Variants in ADGRG7 observed in about 807,000 individuals in gnomAD.
The protein encoded by ADGRG7 is G-protein coupled receptor 128.
In ADGRG7, 82 loss-of-function variants were observed where a neutral mutation model predicts 88.6. That is an observed-to-expected ratio of 0.93 (90% CI 0.77 to 1.11). ADGRG7 has a LOEUF of 1.11. ADGRG7 is among the 50% of genes most tolerant of loss of function. The pLI is 0.00. For synonymous variants in ADGRG7, 381 were observed against 345.2 expected, an observed-to-expected ratio of 1.10 and a Z score of -1.15; for missense variants, 945 against 953.4, an observed-to-expected ratio of 0.99 and a Z score of 0.12.
intron 11 of ADGRG7, among the ~76,000 whole-genome samples, chr3:100,653,792 A>T (rs2094933459): frequency 6.9e-6 from 1 of 144,714 alleles, no homozygotes. Flanking sequence ...CTTTCATGCA[A>T]TTTTTTTTTT....
intron 14 of ADGRG7, among the ~76,000 whole-genome samples, chr3:100,666,018 G>A (rs548139506): frequency 2.0e-5 from 3 of 152,016 alleles, no homozygotes; most frequent in South Asian, 2.1e-4. Context: ...CTGTCTTGAC[G>A]GGCTTGGATG....
At position 100,685,717 on chromosome 3, in the gene ADGRG7, C is replaced by T. The variant is rs537019780; in HGVS notation, c.2137-9027C>T. Among the ~76,000 whole-genome samples, 1,023 of 151,890 alleles carry T rather than the reference C, an allele frequency of 6.7e-3. 20 individuals are homozygous for T. The highest frequency in any genetic ancestry group is 0.023 in the African/African-American group (954 of 41,330). On this transcript the variant is annotated intron_variant, in intron 15 of 15. Transcript: ENST00000273352. The stretch of plus-strand genomic sequence containing the variant: ...AAGGACATGAACTCATCATTTTTTA[C>T]GGCTGCATAGTATTCCATGGTGTAT...
intron 1 of ADGRG7, among the ~76,000 whole-genome samples, chr3:100,622,177 T>A (rs536085382): frequency 6.6e-6 from 1 of 152,094 alleles, no homozygotes; most frequent in Non-Finnish European, 1.5e-5. Flanking sequence ...ACCCCTGTAC[T>A]AGAGTTTTAT....
At chr3:100,668,374 T>G (rs1365392170) in intron 14 of ADGRG7, among the ~76,000 whole-genome samples, 1 of 152,200 alleles carries the variant, frequency 6.6e-6, no homozygotes, top group Non-Finnish European at 1.5e-5. Flanking sequence ...CTTCTTAACA[T>G]AGTGGTCTCA....
In ADGRG7 at chr3:100,667,430, G is replaced by A. The variant is rs184333259; in HGVS notation, c.1980-1519G>A. Among the ~76,000 whole-genome samples the A allele has an allele frequency of 3.0e-3, 460 of 152,244 alleles. 2 individuals carry two copies. The highest frequency in any genetic ancestry group is 0.01 in the African/African-American group (435 of 41,534). On this transcript the variant is annotated intron_variant, in intron 14 of 15. Transcript: ENST00000273352. ...CTGTGAGTGAGAACATGCAGTATTT[G>A]TTTTTGTGATCTTGTAATAGCTTGC...
rs182519895 is a variant in ADGRG7, at chr3:100,650,684, C to T, written c.1379+877C>T. Reference sequence around the variant, plus strand: ...ATTGTTGGCTGTAAGTTTGATTCCTCGTTTAAAGTGATGTCTGCCAGATTT... The same window carrying T: ...ATTGTTGGCTGTAAGTTTGATTCCTTGTTTAAAGTGATGTCTGCCAGATTT... On this transcript the variant is annotated intron_variant, in intron 11 of 15. Transcript: ENST00000273352. Among the ~76,000 whole-genome samples, 188 of 152,202 alleles carry T rather than the reference C, an allele frequency of 1.2e-3. 1 individual carries two copies. The highest frequency in any genetic ancestry group is 1.9e-3 in the East Asian group (10 of 5,192).
At chr3:100,653,669 T>C (rs552240640) in intron 11 of ADGRG7, among the ~76,000 whole-genome samples, 2 of 152,230 alleles carry the variant, frequency 1.3e-5, no homozygotes, top group Admixed American at 6.5e-5. Context: ...ATTTTTCTAC[T>C]GGTCTTGCTG....
At chr3:100,682,269 G>A (rs893087515) in intron 15 of ADGRG7, among the ~76,000 whole-genome samples, 13 of 152,202 alleles carry the variant, frequency 8.5e-5, no homozygotes, top group African/African-American at 2.7e-4. Flanking sequence ...CAAGCAGAGA[G>A]GGTCCCCAGG....
At chr3:100,685,481 C>G (rs894932602) in intron 15 of ADGRG7, among the ~76,000 whole-genome samples, 1 of 151,966 alleles carries the variant, frequency 6.6e-6, no homozygotes, top group African/African-American at 2.4e-5. Flanking sequence ...CCCATTAAGT[C>G]GTCATTTAGC....
intron 15 of ADGRG7, among the ~76,000 whole-genome samples, chr3:100,681,172 G>A (rs924272547): frequency 1.3e-5 from 2 of 150,700 alleles, no homozygotes; most frequent in East Asian, 3.9e-4. Flanking sequence ...AAACCAAAAT[G>A]GTGGATAAAA....
intron 1 of ADGRG7, among the ~76,000 whole-genome samples, chr3:100,628,883 T>G (rs890083368): frequency 6.6e-6 from 1 of 152,152 alleles, no homozygotes; most frequent in Admixed American, 6.6e-5. Flanking sequence ...CCCATACTCC[T>G]TCACTTATCC....
chr3:100,649,855 T>C, intron 11 of ADGRG7, 48 bp downstream of exon 11: 1 of 1,026,032 alleles, frequency 9.7e-7, no homozygotes. Flanking sequence ...GCTATCTTGA[T>C]ATAATTTACT....
At chr3:100,662,647 G>A (rs1352484369) in intron 14 of ADGRG7, among the ~76,000 whole-genome samples, 1 of 152,052 alleles carries the variant, frequency 6.6e-6, no homozygotes, top group Admixed American at 6.6e-5. Flanking sequence ...TAGATGCTAT[G>A]CAGAACTTAT....
chr3:100,657,694 G>A (rs974614017), intron 13 of ADGRG7, among the ~76,000 whole-genome samples: 4 of 152,146 alleles, frequency 2.6e-5, no homozygotes, highest in Non-Finnish European at 5.9e-5. Flanking sequence ...CAGACCTCAA[G>A]TCCATAGCTA....
At chr3:100,656,913 T>A (rs2094938481) in intron 13 of ADGRG7, among the ~76,000 whole-genome samples, 1 of 152,208 alleles carries the variant, frequency 6.6e-6, no homozygotes, top group African/African-American at 2.4e-5. Context: ...GGTTTTAAAA[T>A]TTTAATGCCA....
rs367689485 is a variant in ADGRG7, at chr3:100,649,715, A to G, written c.1287A>G (p.Gln429=). 3.6e-5 allele frequency: 58 copies of G among 1,601,394 alleles called. 1 individual carries two copies. In the African/African-American group the frequency reaches 6.8e-4, roughly 19 times the overall value. The part of the protein sequence containing the change: ...AVLMTFKKDY[Q]YPKSLDILSN... Reference sequence around the variant, plus strand: ...TTCAGACTTTCAAAAAGGATTATCAATATCCCAAATCACTTGACATATTAT... The same window carrying G: ...TTCAGACTTTCAAAAAGGATTATCAGTATCCCAAATCACTTGACATATTAT... Residue 429 remains glutamine, a synonymous_variant, in exon 11 of 16, where the codon CAA becomes CAG. Coordinates refer to ENST00000273352, the MANE Select transcript of ADGRG7 (RefSeq NM_032787.3).
chr3:100,637,267 T>A (rs779903422), intron 5 of ADGRG7, 35 bp from the exon 6 acceptor site: 1 of 1,322,118 alleles, frequency 7.6e-7, no homozygotes, highest in South Asian at 1.2e-5. Flanking sequence ...GTATGATATA[T>A]GCTTCTCTGA....
At chr3:100,613,513 T>C (rs1388781373) in intron 1 of ADGRG7, among the ~76,000 whole-genome samples, 1 of 150,410 alleles carries the variant, frequency 6.6e-6, no homozygotes, top group African/African-American at 2.4e-5. Context: ...TCCTTCTTGC[T>C]TCCTCACATA....
intron 15 of ADGRG7, among the ~76,000 whole-genome samples, chr3:100,671,851 A>T (rs1436444402): frequency 3.3e-5 from 5 of 152,170 alleles, no homozygotes; most frequent in Admixed American, 3.3e-4. Context: ...GATTTGTCAA[A>T]GGTCAGATGG....
Sources: gnomAD v4.1 joint callset for allele counts (sites outside exome capture counted in the v4.1 genomes callset) on GRCh38, gnomAD v4.1.1 for gene constraint, MANE v1.5 for transcripts, NCBI Gene and HGNC (gene_info 2026-07-23, HGNC 2026-07-21) for gene names.